Variants in ZNF140 observed in about 807,000 individuals in gnomAD.
ZNF140 encodes zinc finger protein 140 (clone pHZ-39).
ZNF140 carries 13 observed loss-of-function variants against 12.9 expected under a neutral mutation model. The observed-to-expected ratio is 1.01, with a 90% CI of 0.66 to 1.60. The LOEUF (loss-of-function observed/expected upper bound fraction) is 1.60. Ranked by LOEUF, ZNF140 falls within the 40% of genes most tolerant of loss-of-function variation. ZNF140 has a pLI of 0.00. For missense variants in ZNF140, 531 were observed against 548.8 expected (o/e 0.97, Z 0.32); for synonymous variants, 214 against 186.7 (o/e 1.15, Z -1.19).
chr12:133,086,779 C>T (rs1954690805), intron 4 of ZNF140, among the ~76,000 whole-genome samples: 1 of 152,092 alleles, frequency 6.6e-6, no homozygotes, highest in Non-Finnish European at 1.5e-5. Flanking sequence ...CTTATTTTGC[C>T]ATTCACATTT....
intron 4 of ZNF140, among the ~76,000 whole-genome samples, chr12:133,102,735 C>G (rs1236535189): frequency 6.9e-6 from 1 of 144,456 alleles, no homozygotes; most frequent in African/African-American, 2.6e-5. Flanking sequence ...GGTGACAGAG[C>G]GAGACTCCGT....
intron 4 of ZNF140, among the ~76,000 whole-genome samples, chr12:133,087,261 G>A (rs1210679634): frequency 6.6e-6 from 1 of 151,980 alleles, no homozygotes; most frequent in Non-Finnish European, 1.5e-5. Context: ...AGAAGTCGTG[G>A]TTGACATTAG....
At chr12:133,100,160 GTTTTTTTTT>G (rs58610589) in intron 4 of ZNF140, among the ~76,000 whole-genome samples, 8 of 60,982 alleles carry the variant, frequency 1.3e-4, no homozygotes, top group South Asian at 5.7e-4. Context: ...TGCCTTTTCC[GTTTTTTTTT>G]TTTTTTTTTT....
At chr12:133,100,935 C>G (rs1955325009) in intron 4 of ZNF140, 1 of 450,102 alleles carries the variant, frequency 2.2e-6, no homozygotes, top group African/African-American at 2.0e-5. Flanking sequence ...ACAGTTTAAA[C>G]ATGAATTATT....
In ZNF140 at chr12:133,106,554, CAAACCTTGCTA is replaced by C. The variant is rs1955606029; in HGVS notation, c.1280_1290del (p.Asn427ThrfsTer8). On this transcript the variant is annotated frameshift_variant, in exon 5 of 5. Transcript: ENST00000355557. LOFTEE classifies it low-confidence loss of function (END_TRUNC). The stretch of plus-strand genomic sequence containing the variant: ...TGCAACAAATCCTTCAGCTGGAGCT[CAAACCTTGCTA>C]AACATCAGAGGACACACACTCTTGA... The C allele has an allele frequency of 6.2e-7, 1 of 1,613,932 alleles. No homozygotes were observed. Among genetic ancestry groups the C allele is most frequent in the Non-Finnish European group, 8.5e-7 (1 of 1,180,002 alleles).
At chr12:133,093,226 G>A (rs1481054698) in intron 4 of ZNF140, among the ~76,000 whole-genome samples, 3 of 151,158 alleles carry the variant, frequency 2.0e-5, no homozygotes, top group African/African-American at 4.9e-5. Context: ...TGTTATTAAC[G>A]TATACTTCAA....
At chr12:133,091,032 G>A (rs7970373) in intron 4 of ZNF140, among the ~76,000 whole-genome samples, 24,161 of 143,286 alleles carry the variant, frequency 0.17, 2,153 homozygotes, top group African/African-American at 0.23. Flanking sequence ...CCCAGGGGCA[G>A]ACAGGAGACA....
At chr12:133,088,039 A>C (rs971662433) in intron 4 of ZNF140, among the ~76,000 whole-genome samples, 88 of 152,052 alleles carry the variant, frequency 5.8e-4, no homozygotes, top group Non-Finnish European at 9.7e-4. Flanking sequence ...CTGAGGTGGA[A>C]GAATCGCTGG....
At position 133,095,068 on chromosome 12, in the gene ZNF140, G is replaced by A. The variant is rs1593774244; in HGVS notation, c.233-10442G>A. ...TTCTTCTGTTTGAAATGGTTCTAAA[G>A]TTGCTTTAATAATAGCCCAATCATT... On this transcript the variant is annotated intron_variant, in intron 4 of 4. Transcript: ENST00000355557. 2.0e-5 allele frequency among the ~76,000 whole-genome samples: 3 copies of A among 150,986 alleles called. No individual in the cohort carries two copies. In the East Asian group the frequency reaches 5.8e-4, roughly 29 times the overall value.
Position 133,081,368 on chromosome 12 carries a change from TA to T in ZNF140, c.9+40del, listed in dbSNP as rs1774581470. 107 of 252,404 alleles carry T rather than the reference TA, an allele frequency of 4.2e-4. 6 individuals are homozygous for T. Among genetic ancestry groups the T allele is most frequent in the Admixed American group, 1.9e-3 (25 of 13,280 alleles). 15.6% of individuals were successfully genotyped at this position (252,404 alleles called of 1,614,324 possible). A position where few individuals can be genotyped will look rare whatever the true frequency, so the allele number is the denominator to read the frequency against. On this transcript the variant is annotated intron_variant, in intron 2 of 4. Coordinates refer to ENST00000355557, the MANE Select transcript of ZNF140 (RefSeq NM_003440.4). ...TGATAAATATATATATATATATATA[TA>T]TAAATTTTTATTTTTTTTTTAAGAG...
intron 4 of ZNF140, among the ~76,000 whole-genome samples, chr12:133,100,045 A>G (rs1023160668): frequency 3.4e-5 from 5 of 147,578 alleles, no homozygotes; most frequent in Non-Finnish European, 7.4e-5. Flanking sequence ...TTCAGGGGAT[A>G]TTTTCCACAA....
rs1954637507 is a variant in ZNF140, at chr12:133,085,231, G to A, written c.232+1670G>A. Among the ~76,000 whole-genome samples, 9 of 152,218 alleles carry A rather than the reference G, an allele frequency of 5.9e-5. No homozygotes were observed. The South Asian group carries it at 1.9e-3, about 32-fold the overall frequency. ...GTAGAGATGGGGTTTCACCATGTTG[G>A]CCAGGCTGGTCTCAAACTCCTAACC... On this transcript the variant is annotated intron_variant, in intron 4 of 4. Coordinates refer to ENST00000355557, the MANE Select transcript of ZNF140 (RefSeq NM_003440.4).
At position 133,083,455 on chromosome 12, in the gene ZNF140, T is replaced by C; in HGVS notation, c.137-11T>C. 1 of 1,604,672 alleles carries C rather than the reference T, an allele frequency of 6.2e-7. No homozygotes were observed. The highest frequency in any genetic ancestry group is 1.1e-5 in the South Asian group (1 of 88,826). ...GACTGATCTTGAATTTATTTCATTT[T>C]CTGCAAGCAGGTCTTTCCATTTCTA... On this transcript the variant is annotated splice_polypyrimidine_tract_variant and intron_variant, in intron 3 of 4. Coordinates refer to ENST00000355557, the MANE Select transcript of ZNF140 (RefSeq NM_003440.4).
chr12:133,097,192 G>A (rs1955160443), intron 4 of ZNF140, among the ~76,000 whole-genome samples: 1 of 152,038 alleles, frequency 6.6e-6, no homozygotes, highest in South Asian at 2.1e-4. Flanking sequence ...TGTTAGTATG[G>A]TATACCTTTC....
intron 4 of ZNF140, among the ~76,000 whole-genome samples, chr12:133,104,825 T>C (rs1308544778): frequency 2.6e-5 from 4 of 152,138 alleles, no homozygotes; most frequent in African/African-American, 4.8e-5. Flanking sequence ...TCATTTTAGG[T>C]TAAAGGTTAC....
chr12:133,080,773 A>T (rs1954441786), upstream of ZNF140: 2 of 152,358 alleles, frequency 1.3e-5, no homozygotes, highest in African/African-American at 2.4e-5. Context: ...TTCCAGTAGG[A>T]ACGAAAAGCC....
rs907874083 is a variant in ZNF140, at chr12:133,091,868, G to A, written c.232+8307G>A. On this transcript the variant is annotated intron_variant, in intron 4 of 4. Coordinates refer to ENST00000355557, the MANE Select transcript of ZNF140 (RefSeq NM_003440.4). ...AGATTGTCTTCTCTTCCTTGTAGAC[G>A]GCGTTTAACCATGTCCCAGTGATGT... Among the ~76,000 whole-genome samples, 129 of 150,928 alleles carry A rather than the reference G, an allele frequency of 8.5e-4. 5 individuals carry two copies. The highest frequency in any genetic ancestry group is 6.8e-3 in the Middle Eastern group (2 of 294).
intron 4 of ZNF140, among the ~76,000 whole-genome samples, chr12:133,088,551 G>A (rs1391837884): frequency 1.3e-5 from 2 of 152,186 alleles, no homozygotes; most frequent in African/African-American, 4.8e-5. Flanking sequence ...TGACAATTTT[G>A]AATAAAGCAC....
intron 2 of ZNF140, chr12:133,081,620 A>G (rs1435689717): frequency 1.3e-5 from 6 of 452,362 alleles, no homozygotes; most frequent in African/African-American, 1.2e-4. Flanking sequence ...TCAGGTGCTT[A>G]TACTTAAGTA....
Sources: gnomAD v4.1 joint callset for allele counts (sites outside exome capture counted in the v4.1 genomes callset) on GRCh38, gnomAD v4.1.1 for gene constraint, MANE v1.5 for transcripts, NCBI Gene and HGNC (gene_info 2026-07-23, HGNC 2026-07-21) for gene names.